Variants in GTSF1 observed in about 807,000 individuals in gnomAD.
GTSF1 encodes gametocyte-specific factor 1.
In GTSF1, 11 loss-of-function variants were observed where a neutral mutation model predicts 28.9. The observed-to-expected ratio is 0.38, with a 90% CI of 0.24 to 0.63. GTSF1 has a LOEUF of 0.63. Ranked by LOEUF, GTSF1 falls within the 30% of genes least tolerant of loss-of-function variation. GTSF1 has a pLI of 0.56. For synonymous variants in GTSF1, 69 were observed against 65.6 expected, an observed-to-expected ratio of 1.05 and a Z score of -0.25; for missense variants, 146 against 201.0, an observed-to-expected ratio of 0.73 and a Z score of 1.66.
rs903559635 is a variant in GTSF1, at chr12:54,460,006, G to A, written c.487+371C>T. Among the ~76,000 whole-genome samples, 7 of 122,174 alleles carry A rather than the reference G, an allele frequency of 5.7e-5. No homozygotes were observed. The East Asian group carries it at 1.3e-3, about 23-fold the overall frequency. The allele number at this position is 122,174 out of a possible 152,430, so 80.2% of individuals were successfully genotyped here. On this transcript the variant is annotated intron_variant, in intron 7 of 8. Transcript: ENST00000305879. ...CTCCCAAAGTGCTGGGATTACAGGC[G>A]TGAGCCACCGCGCCCGGCCTGATAT...
chr12:54,470,481 T>C (rs138798176), intron 2 of GTSF1, among the ~76,000 whole-genome samples: 104 of 152,318 alleles, frequency 6.8e-4, no homozygotes, highest in African/African-American at 2.3e-3. Context: ...TCCTAGAGGG[T>C]AGAATGGGAC....
chr12:54,460,015 C>G lies in GTSF1; in HGVS notation c.487+362G>C, dbSNP rs1163706899. The stretch of plus-strand genomic sequence containing the variant: ...TGCTGGGATTACAGGCGTGAGCCAC[C>G]GCGCCCGGCCTGATATTATGCCTTG... On this transcript the variant is annotated intron_variant, in intron 7 of 8. Transcript: ENST00000305879. Among the ~76,000 whole-genome samples, 2 of 152,058 alleles carry G rather than the reference C, an allele frequency of 1.3e-5. 1 individual carries two copies. The highest frequency in any genetic ancestry group is 4.8e-5 in the African/African-American group (2 of 41,384).
At chr12:54,458,752 T>C (rs934719243) in intron 8 of GTSF1, among the ~76,000 whole-genome samples, 1 of 151,358 alleles carries the variant, frequency 6.6e-6, no homozygotes, top group African/African-American at 2.4e-5. Flanking sequence ...AGGGAATGAA[T>C]TGCAGAGCAG....
intron 2 of GTSF1, 115 bp downstream of exon 2, chr12:54,471,118 C>T: frequency 1.5e-6 from 1 of 673,296 alleles, no homozygotes; most frequent in East Asian, 3.1e-5. Context: ...AAAGACTTTT[C>T]CTCCTTAGCA....
chr12:54,470,878 C>A (rs1484510678), intron 2 of GTSF1, among the ~76,000 whole-genome samples: 1 of 152,074 alleles, frequency 6.6e-6, no homozygotes, highest in Non-Finnish European at 1.5e-5. Flanking sequence ...AGAATCCTTC[C>A]CAGATTTCTT....
At chr12:54,459,659 A>C in intron 7 of GTSF1, 1 of 219,292 alleles carries the variant, frequency 4.6e-6, no homozygotes. Flanking sequence ...TTTTCTCTCT[A>C]CTCATTTCCT....
intron 2 of GTSF1, among the ~76,000 whole-genome samples, chr12:54,466,199 A>T (rs1334051662): frequency 1.3e-5 from 2 of 152,272 alleles, no homozygotes; most frequent in Non-Finnish European, 2.9e-5. Flanking sequence ...GGTTAAGCAC[A>T]TTCTGGTATA....
rs769752188 is a variant in GTSF1 at position 54,463,253 on chromosome 12, A to C, written c.162T>G (p.Asn54Lys). The C allele has an allele frequency of 3.1e-6, 5 of 1,613,876 alleles. No individual in the cohort carries two copies. The highest frequency in any genetic ancestry group is 4.2e-6 in the Non-Finnish European group (5 of 1,179,880). ...CAGCTCGAGGAACCTGGTGGCGAGCATTGAAGGGACAAGTAGCCAATTTGC... is the reference window on the plus strand; with the variant it reads ...CAGCTCGAGGAACCTGGTGGCGAGCCTTGAAGGGACAAGTAGCCAATTTGC... ...VASKLATCPF[N>K]ARHQVPRAEI... The change falls in exon 4 of 9, where the codon AAT becomes AAG. Residue 54 changes from asparagine (N) to lysine (K), a missense_variant. Transcript: ENST00000305879.
intron 2 of GTSF1, among the ~76,000 whole-genome samples, chr12:54,469,520 T>C (rs1373915918): frequency 6.6e-6 from 1 of 151,034 alleles, no homozygotes; most frequent in Non-Finnish European, 1.5e-5. Flanking sequence ...AAACCCCATC[T>C]CTACTAAAAA....
chr12:54,459,097 A>G lies in GTSF1; in HGVS notation c.*12T>C, dbSNP rs200374953. On this transcript the variant is annotated 3_prime_UTR_variant, in exon 8 of 9. Coordinates refer to ENST00000305879, the MANE Select transcript of GTSF1 (RefSeq NM_144594.3). The stretch of plus-strand genomic sequence containing the variant: ...AAAACTGAAACACTTACTTGATGAG[A>G]TAGGTATTCAGTTACTGTGCATTTC... 1.9e-4 allele frequency: 300 copies of G among 1,599,574 alleles called. 4 individuals carry two copies. The South Asian group carries it at 3.2e-3, about 17-fold the overall frequency.
chr12:54,466,925 T>C (rs1956524971), intron 2 of GTSF1: 1 of 151,742 alleles, frequency 6.6e-6, no homozygotes, highest in African/African-American at 2.4e-5. Flanking sequence ...GAGCGATTCT[T>C]GTGCCTCAGC....
In GTSF1 at chr12:54,462,677, C is replaced by G; in HGVS notation, c.293G>C (p.Trp98Ser). 6.2e-7 allele frequency: 1 copy of G among 1,614,060 alleles called. No individual in the cohort carries two copies. Among genetic ancestry groups the G allele is most frequent in the Non-Finnish European group, 8.5e-7 (1 of 1,179,928 alleles). The change falls in exon 5 of 9, where the codon TGG becomes TCG. Residue 98 changes from tryptophan to serine, a missense_variant. Coordinates refer to ENST00000305879, the MANE Select transcript of GTSF1 (RefSeq NM_144594.3). ...GTCTTCATCGCAAGGAGGGCACTGC[C>G]AAGTGCTCTCAGCCAGAGTCTCTTG... ...LRQETLAEST[W>S]QCPPCDEDWD... is the part of the protein sequence containing the mutation.
intron 8 of GTSF1, among the ~76,000 whole-genome samples, 185 bp downstream of exon 8, chr12:54,458,904 C>A (rs1565656782): frequency 6.6e-6 from 1 of 151,278 alleles, no homozygotes; most frequent in Non-Finnish European, 1.5e-5. Flanking sequence ...TCTAATTTAA[C>A]CAGTAAATGC....
chr12:54,464,879 CA>C (rs1309602825), intron 3 of GTSF1, 187 bp downstream of exon 3: 3 of 406,144 alleles, frequency 7.4e-6, no homozygotes, highest in East Asian at 8.3e-5. Flanking sequence ...GGAAGAAAAC[CA>C]AAACAAGAAA....
chr12:54,458,947 C>A (rs1956376965), intron 8 of GTSF1, 142 bp downstream of exon 8: 2 of 557,604 alleles, frequency 3.6e-6, no homozygotes, highest in Non-Finnish European at 6.5e-6. Flanking sequence ...ATAACAGAGG[C>A]TATATACTTA....
intron 1 of GTSF1, chr12:54,472,055 C>CA (rs1018240811): frequency 8.6e-5 from 13 of 152,008 alleles, no homozygotes; most frequent in African/African-American, 2.9e-4. Flanking sequence ...TTTAAAAAAA[C>CA]AAAAAACCCC....
chr12:54,463,501 A>G (rs1339521440), intron 3 of GTSF1, among the ~76,000 whole-genome samples: 1 of 152,210 alleles, frequency 6.6e-6, no homozygotes, highest in Non-Finnish European at 1.5e-5. Context: ...TCATCAAAAC[A>G]TAAGTCTTTT....
intron 2 of GTSF1, chr12:54,468,970 A>G (rs1167026590): frequency 6.6e-6 from 1 of 152,280 alleles, no homozygotes; most frequent in Admixed American, 6.5e-5. Flanking sequence ...AAAGTAACGA[A>G]GAAGTAAGAG....
In GTSF1 at chr12:54,462,117, G is replaced by T. The variant is rs763481798; in HGVS notation, c.384C>A (p.Asp128Glu). 24 of 1,612,258 alleles carry T rather than the reference G, an allele frequency of 1.5e-5. No individual in the cohort carries two copies. The highest frequency in any genetic ancestry group is 3.3e-4 in the Middle Eastern group (2 of 6,084). The change falls in exon 6 of 9, where the codon GAC becomes GAA. Residue 128 changes from aspartate to glutamate, a missense_variant. By Grantham distance (45) the Asp-to-Glu change is conservative. Transcript: ENST00000305879. The part of the protein sequence containing the change: ...PFVWGTTHYS[D>E]NNSPASNIVT... Reference sequence around the variant, plus strand: ...AAGACTATTTCATTTACCTGTTGTTGTCAGAGTAGTGAGTTGTGCCCCAGA... The same window carrying T: ...AAGACTATTTCATTTACCTGTTGTTTTCAGAGTAGTGAGTTGTGCCCCAGA...
Sources: allele counts gnomAD v4.1 joint callset (sites outside exome capture counted in the v4.1 genomes callset), GRCh38; gene constraint gnomAD v4.1.1; transcripts MANE v1.5; gene names NCBI Gene and HGNC (gene_info 2026-07-23, HGNC 2026-07-21).